CORO2B: variants seen among roughly 807,000 people sequenced by gnomAD.
CORO2B encodes coronin-2B.
A neutral mutation model predicts 58.8 loss-of-function variants in CORO2B; 26 were observed. The ratio of observed to expected loss-of-function variants is 0.44; its 90% confidence interval spans 0.32 to 0.61. CORO2B has a LOEUF of 0.61. Ranked by LOEUF, CORO2B falls within the 20% of genes least tolerant of loss-of-function variation. The pLI is 0.04. For synonymous variants in CORO2B, 242 were observed against 253.8 expected (o/e 0.95, Z 0.44); for missense variants, 460 against 645.1 (o/e 0.71, Z 3.11).
chr15:68,689,385 A>C (rs1892301232), intron 2 of CORO2B, among the ~76,000 whole-genome samples: 1 of 151,978 alleles, frequency 6.6e-6, no homozygotes, highest in African/African-American at 2.4e-5. Flanking sequence ...GTCATTGTAC[A>C]GTCATGGAAC....
At chr15:68,625,084 G>A (rs1468919868) in intron 1 of CORO2B, among the ~76,000 whole-genome samples, 3 of 152,136 alleles carry the variant, frequency 2.0e-5, no homozygotes, top group Non-Finnish European at 4.4e-5. Context: ...CCCTTCCTCT[G>A]CACCACACTC....
At chr15:68,625,869 T>C (rs1900665306) in intron 1 of CORO2B, among the ~76,000 whole-genome samples, 1 of 152,104 alleles carries the variant, frequency 6.6e-6, no homozygotes, top group Non-Finnish European at 1.5e-5. Flanking sequence ...CCTCCCAAAA[T>C]GCTGGGATTA....
At chr15:68,555,146 T>C in the CORO2B span, among the ~76,000 whole-genome samples, 1 of 152,154 alleles carries the variant, frequency 6.6e-6, no homozygotes, top group Non-Finnish European at 1.5e-5. Flanking sequence ...ACTCTTGGTT[T>C]CCTCCCCTGC....
chr15:68,543,744 C>T, the CORO2B span, among the ~76,000 whole-genome samples: 1 of 152,138 alleles, frequency 6.6e-6, no homozygotes, highest in Non-Finnish European at 1.5e-5. Context: ...AGTCCTCCCC[C>T]AACACAGCTG....
chr15:68,551,416 T>A, the CORO2B span, among the ~76,000 whole-genome samples: 1 of 152,094 alleles, frequency 6.6e-6, no homozygotes, highest in South Asian at 2.1e-4. Flanking sequence ...GCCTCAAAGT[T>A]CCCACTGGGC....
chr15:68,648,029 C>CAAAAA (rs59821203), intron 2 of CORO2B, among the ~76,000 whole-genome samples: 2 of 84,294 alleles, frequency 2.4e-5, no homozygotes, highest in Non-Finnish European at 4.3e-5. Context: ...TCCTGTCTCT[C>CAAAAA]AAAAAAAAAA....
chr15:68,574,116 G>T (rs375765518), upstream of CORO2B, among the ~76,000 whole-genome samples: 1 of 152,154 alleles, frequency 6.6e-6, no homozygotes, highest in African/African-American at 2.4e-5. Flanking sequence ...AGAGCTGCTG[G>T]GGGAGAACAG....
At position 68,697,199 on chromosome 15, in the gene CORO2B, T is replaced by G. The variant is rs112008735; in HGVS notation, c.333+1943T>G. Among the ~76,000 whole-genome samples, 930 of 151,926 alleles carry G rather than the reference T, an allele frequency of 6.1e-3. 17 individuals are homozygous for G. Among genetic ancestry groups the G allele is most frequent in the African/African-American group, 0.021 (881 of 41,416 alleles). ...ATGGATGGATGGATTGTTGGATGGA[T>G]GGATGGATGGATTGTTGGATGGATG... On this transcript the variant is annotated intron_variant, in intron 3 of 11. Transcript: ENST00000261861.
chr15:68,701,635 G>A (rs4776420), intron 3 of CORO2B, among the ~76,000 whole-genome samples: 92,637 of 151,378 alleles, frequency 0.61, 30,984 homozygotes, highest in East Asian at 0.87. Context: ...ACAGGTGCGC[G>A]CCACCATGCC....
At chr15:68,672,950 G>C (rs2140296842) in intron 2 of CORO2B, among the ~76,000 whole-genome samples, 1 of 152,314 alleles carries the variant, frequency 6.6e-6, no homozygotes, top group Non-Finnish European at 1.5e-5. Context: ...GGGGGTACCA[G>C]GGTGTGGGGT....
chr15:68,652,300 A>G (rs1395034055), intron 2 of CORO2B, among the ~76,000 whole-genome samples: 1 of 152,188 alleles, frequency 6.6e-6, no homozygotes, highest in Non-Finnish European at 1.5e-5. Flanking sequence ...TAAGCTGCAG[A>G]TGGGGGAGCA....
intron 1 of CORO2B, among the ~76,000 whole-genome samples, chr15:68,608,256 A>C (rs1215436342): frequency 6.6e-6 from 1 of 152,244 alleles, no homozygotes. Context: ...GGGTGGCATG[A>C]TCAGGGCTTG....
chr15:68,663,053 TA>T (rs1015206283), intron 2 of CORO2B, among the ~76,000 whole-genome samples: 77 of 152,304 alleles, frequency 5.1e-4, no homozygotes, highest in African/African-American at 1.8e-3. Flanking sequence ...ATTTCCAATT[TA>T]TTGAAAAAAA....
intron 2 of CORO2B, among the ~76,000 whole-genome samples, chr15:68,654,447 T>C (rs1167363796): frequency 6.6e-6 from 1 of 152,236 alleles, no homozygotes; most frequent in Admixed American, 6.5e-5. Flanking sequence ...ACTAGGACTC[T>C]GTGAAGTCAA....
the CORO2B span, among the ~76,000 whole-genome samples, chr15:68,527,985 T>G: frequency 6.6e-6 from 1 of 152,226 alleles, no homozygotes; most frequent in Non-Finnish European, 1.5e-5. Flanking sequence ...TTGCATCCTG[T>G]GATCTTACTA....
chr15:68,620,321 A>G (rs1424423259), intron 1 of CORO2B, among the ~76,000 whole-genome samples: 2 of 152,264 alleles, frequency 1.3e-5, no homozygotes, highest in Admixed American at 6.5e-5. Flanking sequence ...AGATATTTAA[A>G]TGTTAGAAAG....
At chr15:68,614,616 C>T (rs139213613) in intron 1 of CORO2B, among the ~76,000 whole-genome samples, 75 of 152,272 alleles carry the variant, frequency 4.9e-4, no homozygotes, top group East Asian at 1.2e-3. Flanking sequence ...AGGAAAGCCC[C>T]GGAGCCCTCA....
chr15:68,723,426 G>A (rs754685843), intron 11 of CORO2B, among the ~76,000 whole-genome samples: 13 of 151,386 alleles, frequency 8.6e-5, no homozygotes, highest in African/African-American at 1.2e-4. Flanking sequence ...CCAGCCAATA[G>A]ATACATTTGG....
chr15:68,523,521 G>A, the CORO2B span, among the ~76,000 whole-genome samples: 2 of 152,120 alleles, frequency 1.3e-5, no homozygotes, highest in African/African-American at 4.8e-5. Flanking sequence ...TTGTCTCCCA[G>A]AGACCATGAA....
Sources: allele counts gnomAD v4.1 joint callset (sites outside exome capture counted in the v4.1 genomes callset), GRCh38; gene constraint gnomAD v4.1.1; transcripts MANE v1.5; gene names NCBI Gene and HGNC (gene_info 2026-07-23, HGNC 2026-07-21).